The following FGF12 variants were observed in gnomAD, a reference collection of about 807,000 sequenced individuals.
FGF12 encodes the protein fibroblast growth factor 12B.
In FGF12, 14 loss-of-function variants were observed where a neutral mutation model predicts 23.6. The observed-to-expected ratio is 0.59, with a 90% CI of 0.39 to 0.93. The LOEUF is 0.93. FGF12 is among the 40% of genes least tolerant of loss of function. The probability of loss-of-function intolerance (pLI) is 0.00; values close to 1 mark genes in which losing one functional copy is unlikely to be tolerated. For synonymous variants in FGF12, 62 were observed against 77.3 expected (o/e 0.80, Z 1.04); for missense variants, 175 against 217.8 (o/e 0.80, Z 1.24).
At chr3:192,667,220 G>A (rs934085757) in intron 2 of FGF12, among the ~76,000 whole-genome samples, 39 of 152,070 alleles carry the variant, frequency 2.6e-4, no homozygotes, top group Non-Finnish European at 7.4e-5. Flanking sequence ...CTTTAATAGA[G>A]GATCTATATA....
intron 4 of FGF12, among the ~76,000 whole-genome samples, chr3:192,227,218 T>C (rs1718782363): frequency 6.6e-6 from 1 of 152,180 alleles, no homozygotes; most frequent in African/African-American, 2.4e-5. Context: ...GTCTTACTAC[T>C]CTGTTTCCTC....
chr3:192,443,225 C>T (rs898240621), intron 2 of FGF12, among the ~76,000 whole-genome samples: 1 of 152,156 alleles, frequency 6.6e-6, no homozygotes, highest in African/African-American at 2.4e-5. Context: ...CAAGCATATC[C>T]ATCCTCTTTG....
intron 5 of FGF12, among the ~76,000 whole-genome samples, chr3:192,155,012 C>CCTG (rs1714304030): frequency 1.4e-5 from 2 of 146,432 alleles, no homozygotes; most frequent in Non-Finnish European, 3.0e-5. Flanking sequence ...GATATAGTCT[C>CCTG]GTGGTGCGCC....
At chr3:192,669,803 A>C (rs1717043121) in intron 2 of FGF12, among the ~76,000 whole-genome samples, 1 of 152,106 alleles carries the variant, frequency 6.6e-6, no homozygotes, top group African/African-American at 2.4e-5. Flanking sequence ...ATTGTGTAAT[A>C]AACTGTGTCA....
chr3:192,365,521 T>C (rs879505460), intron 2 of FGF12, among the ~76,000 whole-genome samples: 24 of 152,076 alleles, frequency 1.6e-4, no homozygotes, highest in Non-Finnish European at 2.8e-4. Context: ...TATGGGAAAT[T>C]GGATATAGGG....
chr3:192,238,101 C>A (rs1719394148), intron 4 of FGF12: 1 of 152,388 alleles, frequency 6.6e-6, no homozygotes, highest in African/African-American at 2.4e-5. Context: ...CCAAAGCTCA[C>A]CTCAGCACTC....
intron 4 of FGF12, among the ~76,000 whole-genome samples, chr3:192,325,140 G>A (rs4434103): frequency 0.29 from 43,482 of 151,966 alleles, 7,381 homozygotes; most frequent in African/African-American, 0.46. Flanking sequence ...GTTTGCAAGC[G>A]ATAATTGCCA....
intron 2 of FGF12, among the ~76,000 whole-genome samples, chr3:192,410,094 C>G (rs1274558545): frequency 6.6e-6 from 1 of 151,994 alleles, no homozygotes; most frequent in African/African-American, 2.4e-5. Context: ...GCAGAGCCCG[C>G]GGCAGCCAGA....
At chr3:192,605,379 CA>C (rs34154107) in intron 2 of FGF12, among the ~76,000 whole-genome samples, 47,795 of 124,458 alleles carry the variant, frequency 0.38, 7,789 homozygotes, top group East Asian at 0.43. Context: ...GACTCCGTCT[CA>C]AAAAAAAAAA....
intron 2 of FGF12, among the ~76,000 whole-genome samples, chr3:192,647,121 G>T (rs534130274): frequency 6.6e-6 from 1 of 152,042 alleles, no homozygotes; most frequent in African/African-American, 2.4e-5. Flanking sequence ...AACTGAAAAC[G>T]CTTTCAGTAA....
intron 2 of FGF12, among the ~76,000 whole-genome samples, chr3:192,722,746 A>C (rs530159924): frequency 6.6e-6 from 1 of 152,302 alleles, no homozygotes; most frequent in South Asian, 2.1e-4. Context: ...ATTCTACCTG[A>C]GATAGACACT....
At chr3:192,466,830 CT>C (rs985731700) in intron 2 of FGF12, among the ~76,000 whole-genome samples, 5 of 152,172 alleles carry the variant, frequency 3.3e-5, no homozygotes, top group African/African-American at 9.7e-5. Context: ...TCCAGAGCCC[CT>C]GGCTTCTCCT....
intron 2 of FGF12, among the ~76,000 whole-genome samples, chr3:192,595,693 T>G (rs1354253961): frequency 6.6e-6 from 1 of 152,206 alleles, no homozygotes; most frequent in African/African-American, 2.4e-5. Flanking sequence ...ATCATTGTTG[T>G]AGTAAGTGGT....
At chr3:192,569,889 T>C (rs1712513926) in intron 2 of FGF12, among the ~76,000 whole-genome samples, 1 of 152,200 alleles carries the variant, frequency 6.6e-6, no homozygotes, top group Admixed American at 6.5e-5. Flanking sequence ...AATATGTGTA[T>C]AAAACAATGA....
chr3:192,380,720 T>C (rs552091425), intron 2 of FGF12, among the ~76,000 whole-genome samples: 3 of 152,192 alleles, frequency 2.0e-5, no homozygotes, highest in Middle Eastern at 3.4e-3. Flanking sequence ...TTGTTGACAA[T>C]AGTCACCTCA....
chr3:192,681,683 T>A (rs977562562), intron 2 of FGF12, among the ~76,000 whole-genome samples: 1 of 152,194 alleles, frequency 6.6e-6, no homozygotes, highest in African/African-American at 2.4e-5. Flanking sequence ...CTTTCCCAAA[T>A]ATCACCCAGA....
At chr3:192,281,405 AG>A (rs1300334446) in intron 4 of FGF12, among the ~76,000 whole-genome samples, 1 of 152,142 alleles carries the variant, frequency 6.6e-6, no homozygotes, top group Non-Finnish European at 1.5e-5. Context: ...CTCTGAATCA[AG>A]TATGACATCA....
At chr3:192,349,535 G>A (rs1461921709) in intron 3 of FGF12, among the ~76,000 whole-genome samples, 5 of 151,872 alleles carry the variant, frequency 3.3e-5, no homozygotes, top group Admixed American at 6.6e-5. Context: ...TCTCTCTTAT[G>A]GGCAAATATA....
At chr3:192,201,130 C>T (rs1310406151) in intron 4 of FGF12, among the ~76,000 whole-genome samples, 1 of 152,138 alleles carries the variant, frequency 6.6e-6, no homozygotes, top group Non-Finnish European at 1.5e-5. Flanking sequence ...ACACTGGATC[C>T]TTAGGGAATG....
Sources: allele counts gnomAD v4.1 joint callset (sites outside exome capture counted in the v4.1 genomes callset), GRCh38; gene constraint gnomAD v4.1.1; transcripts MANE v1.5; gene names NCBI Gene and HGNC (gene_info 2026-07-23, HGNC 2026-07-21).